XKR4: variants seen among roughly 807,000 people sequenced by gnomAD.
XKR4 encodes XK related 4.
Under a neutral mutation model 53.9 loss-of-function variants are expected in XKR4, and 12 were observed. The observed-to-expected ratio is 0.22, with a 90% CI of 0.14 to 0.36. The LOEUF (loss-of-function observed/expected upper bound fraction) is 0.36, where lower values mean the gene tolerates loss of function less well. XKR4 is among the 10% of genes least tolerant of loss of function. The probability of loss-of-function intolerance (pLI) is 1.00; values close to 1 mark genes in which losing one functional copy is unlikely to be tolerated. For missense variants in XKR4, 799 were observed against 859.5 expected (o/e 0.93, Z 0.88); for synonymous variants, 354 against 362.4 (o/e 0.98, Z 0.26).
intron 2 of XKR4, among the ~76,000 whole-genome samples, chr8:55,509,230 G>T (rs561551160): frequency 2.0e-5 from 3 of 152,268 alleles, no homozygotes; most frequent in South Asian, 4.1e-4. Context: ...CCTGACCAAG[G>T]TTCTTTCTTG....
intron 2 of XKR4, among the ~76,000 whole-genome samples, chr8:55,407,428 T>A (rs1237889711): frequency 6.6e-6 from 1 of 152,220 alleles, no homozygotes; most frequent in Non-Finnish European, 1.5e-5. Flanking sequence ...ATTACGGACT[T>A]AGAAGAGCTG....
intron 2 of XKR4, among the ~76,000 whole-genome samples, chr8:55,411,609 G>T (rs565046958): frequency 6.6e-6 from 1 of 152,224 alleles, no homozygotes; most frequent in Non-Finnish European, 1.5e-5. Context: ...TTGTGGAAAA[G>T]AGATGAGTGA....
chr8:55,358,113 AT>A (rs1803846478), intron 2 of XKR4, among the ~76,000 whole-genome samples: 1 of 152,186 alleles, frequency 6.6e-6, no homozygotes, highest in Non-Finnish European at 1.5e-5. Context: ...GAAAAAAAAA[AT>A]CTTTATGATT....
At chr8:55,401,758 A>G (rs1038548690) in intron 2 of XKR4, among the ~76,000 whole-genome samples, 1 of 152,224 alleles carries the variant, frequency 6.6e-6, no homozygotes, top group African/African-American at 2.4e-5. Flanking sequence ...TTTCACTCAA[A>G]GATCCCTGAA....
At chr8:55,449,870 G>A (rs1563353089) in intron 2 of XKR4, 2 of 951,830 alleles carry the variant, frequency 2.1e-6, no homozygotes, top group Non-Finnish European at 3.4e-6. Flanking sequence ...CTGGCTGTAA[G>A]GGTGCTGGTG....
rs114877154 is a variant in XKR4, at chr8:55,242,668, A to G, written c.807-115010A>G. Among the ~76,000 whole-genome samples the G allele has an allele frequency of 4.4e-3, 666 of 152,292 alleles. 5 individuals carry two copies. Among genetic ancestry groups the G allele is most frequent in the African/African-American group, 0.015 (636 of 41,554 alleles). Reference sequence around the variant, plus strand: ...CACTCAGAAGGTTGGTGAGTGGGCAACAGAAGGGACGTGTGCCCACCCCAC... The same window carrying G: ...CACTCAGAAGGTTGGTGAGTGGGCAGCAGAAGGGACGTGTGCCCACCCCAC... On this transcript the variant is annotated intron_variant, in intron 1 of 2. Transcript: ENST00000327381.
intron 2 of XKR4, among the ~76,000 whole-genome samples, chr8:55,437,802 A>G (rs903836362): frequency 6.6e-6 from 1 of 152,214 alleles, no homozygotes; most frequent in African/African-American, 2.4e-5. Context: ...AGAAATTTCT[A>G]AAAGGAAACA....
intron 1 of XKR4, among the ~76,000 whole-genome samples, chr8:55,202,234 G>A (rs1483118210): frequency 6.6e-6 from 1 of 152,204 alleles, no homozygotes; most frequent in East Asian, 1.9e-4. Context: ...TGAGGGACCT[G>A]AGGGTTCGAT....
intron 2 of XKR4, among the ~76,000 whole-genome samples, chr8:55,402,117 C>T (rs1006032228): frequency 4.6e-5 from 7 of 152,124 alleles, no homozygotes; most frequent in South Asian, 2.1e-4. Flanking sequence ...AAAACTCCAG[C>T]GGATAAGTCA....
intron 1 of XKR4, among the ~76,000 whole-genome samples, chr8:55,231,654 C>A (rs952406852): frequency 1.3e-5 from 2 of 151,890 alleles, no homozygotes; most frequent in African/African-American, 4.8e-5. Context: ...AATTACCAGG[C>A]TTGGGATGTT....
intron 1 of XKR4, among the ~76,000 whole-genome samples, chr8:55,247,857 T>TTCTTTCTTTCTTTCTTTC (rs1233787770): frequency 4.5e-5 from 3 of 67,378 alleles, no homozygotes; most frequent in Non-Finnish European, 5.5e-5. Context: ...CTTTCTTTCT[T>TTCTTTCTTTCTTTCTTTC]TTTTTTTTTT....
At chr8:55,313,634 T>TAAAGGTTAAAATGAGGGTAAA (rs1368490987) in intron 1 of XKR4, among the ~76,000 whole-genome samples, 1 of 152,122 alleles carries the variant, frequency 6.6e-6, no homozygotes, top group Non-Finnish European at 1.5e-5. Flanking sequence ...ATGAAAGAAA[T>TAAAGGTTAAAATGAGGGTAAA]AAAGGTTAAA....
chr8:55,267,045 G>A (rs954011268), intron 1 of XKR4, among the ~76,000 whole-genome samples: 22 of 152,230 alleles, frequency 1.4e-4, no homozygotes, highest in Non-Finnish European at 2.9e-4. Flanking sequence ...CAAGAAAGAT[G>A]GAGAAATCTG....
chr8:55,132,889 G>A (rs2129353256), intron 1 of XKR4, among the ~76,000 whole-genome samples: 1 of 151,804 alleles, frequency 6.6e-6, no homozygotes, highest in East Asian at 1.9e-4. Flanking sequence ...AGCTCCCTGT[G>A]CCATGTGATG....
intron 2 of XKR4, among the ~76,000 whole-genome samples, chr8:55,435,555 T>C (rs939692149): frequency 6.7e-6 from 1 of 148,206 alleles, no homozygotes; most frequent in African/African-American, 2.5e-5. Context: ...GCAACCTCTT[T>C]TTTTTTTTAT....
chr8:55,522,794 A>C (rs116916198), intron 2 of XKR4, among the ~76,000 whole-genome samples: 1 of 152,150 alleles, frequency 6.6e-6, no homozygotes, highest in Non-Finnish European at 1.5e-5. Context: ...ATTTACACCA[A>C]ATACAGAAAG....
At chr8:55,135,338 A>G (rs1816610371) in intron 1 of XKR4, 1 of 212,764 alleles carries the variant, frequency 4.7e-6, no homozygotes. Context: ...TCTAAAGCCT[A>G]CACTCTTTAA....
chr8:55,155,031 T>A (rs1451671903), intron 1 of XKR4, among the ~76,000 whole-genome samples: 1 of 152,150 alleles, frequency 6.6e-6, no homozygotes, highest in Non-Finnish European at 1.5e-5. Context: ...CTTTCCTCCA[T>A]CCCAGGAAAA....
chr8:55,326,229 G>A (rs781239189), intron 1 of XKR4, among the ~76,000 whole-genome samples: 14 of 152,104 alleles, frequency 9.2e-5, no homozygotes, highest in Middle Eastern at 3.2e-3. Flanking sequence ...CACCTGGGTG[G>A]GGATGTTGGC....
Sources: gnomAD v4.1 joint callset for allele counts (sites outside exome capture counted in the v4.1 genomes callset) on GRCh38, gnomAD v4.1.1 for gene constraint, MANE v1.5 for transcripts, NCBI Gene and HGNC (gene_info 2026-07-23, HGNC 2026-07-21) for gene names.